The following ZNF277 variants were observed in gnomAD, a reference collection of about 807,000 sequenced individuals.
The protein encoded by ZNF277 is zinc finger protein 277.
A neutral mutation model predicts 60.7 loss-of-function variants in ZNF277; 55 were observed. That is an observed-to-expected ratio of 0.91 (90% CI 0.73 to 1.13). ZNF277 has a LOEUF of 1.13. ZNF277 is among the 50% of genes most tolerant of loss of function. The pLI, the probability that ZNF277 is intolerant of heterozygous loss-of-function variation, is 0.00. For synonymous variants in ZNF277, 178 were observed against 179.3 expected (o/e 0.99, Z 0.06); for missense variants, 510 against 523.0 (o/e 0.98, Z 0.24).
chr7:112,293,456 A>G (rs915678807), intron 2 of ZNF277, among the ~76,000 whole-genome samples: 1 of 151,634 alleles, frequency 6.6e-6, no homozygotes, highest in Non-Finnish European at 1.5e-5. Flanking sequence ...GTGCGTGCCT[A>G]TAGTCCCAGC....
Position 112,337,710 on chromosome 7 carries a change from T to C in ZNF277, c.870-20T>C. 6.2e-7 allele frequency: 1 copy of C among 1,603,530 alleles called. No individual in the cohort carries two copies. The highest frequency in any genetic ancestry group is 2.2e-5 in the East Asian group (1 of 44,732). The stretch of plus-strand genomic sequence containing the variant: ...TAATGAAGGGAATCTCCGTATTTTC[T>C]CTCCTCTTTTTTAATTCAGTGACTG... On this transcript the variant is annotated intron_variant, in intron 8 of 11. Coordinates refer to ENST00000361822, the MANE Select transcript of ZNF277 (RefSeq NM_021994.3).
intron 4 of ZNF277, among the ~76,000 whole-genome samples, chr7:112,307,184 G>A (rs1157473744): frequency 6.6e-6 from 1 of 152,034 alleles, no homozygotes; most frequent in Non-Finnish European, 1.5e-5. Flanking sequence ...TTTCTCCTGA[G>A]AACTTGGAGG....
chr7:112,315,424 T>A (rs1185462977), intron 4 of ZNF277, among the ~76,000 whole-genome samples: 1 of 151,784 alleles, frequency 6.6e-6, no homozygotes, highest in East Asian at 1.9e-4. Context: ...CTAACAGGGA[T>A]GAAAAGCTTC....
intron 1 of ZNF277, among the ~76,000 whole-genome samples, chr7:112,208,881 C>T (rs948730863): frequency 6.6e-6 from 1 of 151,994 alleles, no homozygotes; most frequent in Non-Finnish European, 1.5e-5. Flanking sequence ...GGGGTTTCAC[C>T]GTGTTAGCCA....
At chr7:112,327,994 C>T (rs1793137346) in intron 6 of ZNF277, among the ~76,000 whole-genome samples, 167 bp downstream of exon 6, 1 of 152,078 alleles carries the variant, frequency 6.6e-6, no homozygotes, top group Non-Finnish European at 1.5e-5. Flanking sequence ...TCATATTGCC[C>T]TTTGGTGTTT....
intron 2 of ZNF277, chr7:112,287,599 T>C (rs1792104117): frequency 6.6e-6 from 1 of 151,948 alleles, no homozygotes; most frequent in African/African-American, 2.4e-5. Flanking sequence ...CGATCTCAGC[T>C]TGTTGCAACT....
At chr7:112,241,497 G>A (rs956126885) in intron 1 of ZNF277, among the ~76,000 whole-genome samples, 1 of 152,132 alleles carries the variant, frequency 6.6e-6, no homozygotes, top group African/African-American at 2.4e-5. Context: ...CTGCTCCTAG[G>A]TGTATACCCA....
intron 4 of ZNF277, among the ~76,000 whole-genome samples, chr7:112,311,447 T>G (rs954019707): frequency 4.6e-5 from 7 of 152,154 alleles, no homozygotes; most frequent in Non-Finnish European, 1.0e-4. Flanking sequence ...ATGTATAATG[T>G]CTGAGCCATG....
intron 1 of ZNF277, among the ~76,000 whole-genome samples, chr7:112,261,615 C>G (rs1791440785): frequency 6.6e-6 from 1 of 152,124 alleles, no homozygotes; most frequent in Admixed American, 6.5e-5. Flanking sequence ...TCCCTAAATA[C>G]TACCACACCA....
At chr7:112,277,204 C>T (rs535434494) in intron 1 of ZNF277, among the ~76,000 whole-genome samples, 1 of 151,604 alleles carries the variant, frequency 6.6e-6, no homozygotes, top group Non-Finnish European at 1.5e-5. Context: ...CTGCCTCAGC[C>T]CCCTGAGTAG....
intron 7 of ZNF277, among the ~76,000 whole-genome samples, chr7:112,332,190 A>G (rs1019541644): frequency 3.3e-5 from 5 of 152,224 alleles, no homozygotes; most frequent in Non-Finnish European, 5.9e-5. Context: ...ATGAAAATTA[A>G]ATTACAACTT....
chr7:112,307,205 G>A (rs1045293815), intron 4 of ZNF277, among the ~76,000 whole-genome samples: 1 of 152,016 alleles, frequency 6.6e-6, no homozygotes. Context: ...AAGCCCATGG[G>A]GGGAGTTGGA....
intron 1 of ZNF277, among the ~76,000 whole-genome samples, chr7:112,257,554 T>C (rs1791345370): frequency 6.6e-6 from 1 of 152,140 alleles, no homozygotes; most frequent in African/African-American, 2.4e-5. Context: ...AAACAACAGG[T>C]ATTAGACTTC....
chr7:112,295,653 C>G (rs1318088084), intron 2 of ZNF277, among the ~76,000 whole-genome samples: 1 of 151,972 alleles, frequency 6.6e-6, no homozygotes, highest in East Asian at 1.9e-4. Context: ...CATTTTCATG[C>G]CCTTACATGG....
chr7:112,325,335 CCCA>C (rs1793070249), intron 5 of ZNF277, among the ~76,000 whole-genome samples: 1 of 152,138 alleles, frequency 6.6e-6, no homozygotes, highest in Admixed American at 6.5e-5. Context: ...GACTGTTAAC[CCCA>C]CCAACCCTCT....
chr7:112,294,210 GA>G (rs1411402359), intron 2 of ZNF277, among the ~76,000 whole-genome samples: 1 of 152,166 alleles, frequency 6.6e-6, no homozygotes, highest in Non-Finnish European at 1.5e-5. Context: ...GGGTGGTGGG[GA>G]AAGCAACTAG....
intron 2 of ZNF277, chr7:112,287,295 C>T: frequency 3.7e-6 from 2 of 545,628 alleles, no homozygotes; most frequent in Non-Finnish European, 3.3e-6. Flanking sequence ...GGGCTGCTTG[C>T]ACCCATGAGT....
chr7:112,220,185 G>A (rs1821988236), intron 1 of ZNF277, among the ~76,000 whole-genome samples: 1 of 152,044 alleles, frequency 6.6e-6, no homozygotes, highest in Admixed American at 6.6e-5. Context: ...CATAAGCATG[G>A]CATATCTTTC....
intron 1 of ZNF277, among the ~76,000 whole-genome samples, chr7:112,247,840 C>T (rs573063503): frequency 8.6e-5 from 13 of 151,926 alleles, no homozygotes; most frequent in East Asian, 3.9e-4. Flanking sequence ...TGGTTGCGGG[C>T]GCCTGTAATC....
Sources: gnomAD v4.1 joint callset for allele counts (sites outside exome capture counted in the v4.1 genomes callset) on GRCh38, gnomAD v4.1.1 for gene constraint, MANE v1.5 for transcripts, NCBI Gene and HGNC (gene_info 2026-07-23, HGNC 2026-07-21) for gene names.